The following CHST11 variants were observed in gnomAD, a reference collection of about 807,000 sequenced individuals.
The protein encoded by CHST11 is C4S-1.
A neutral mutation model predicts 30.4 loss-of-function variants in CHST11; 9 were observed. The ratio of observed to expected loss-of-function variants is 0.30; its 90% CI spans 0.18 to 0.52. The LOEUF is 0.52. Ranked by LOEUF, CHST11 falls within the 20% of genes least tolerant of loss-of-function variation. CHST11 has a pLI of 0.97. For synonymous variants in CHST11, 152 were observed against 187.8 expected (o/e 0.81, Z 1.56); for missense variants, 348 against 460.6 (o/e 0.76, Z 2.24).
At position 104,637,318 on chromosome 12, in the gene CHST11, A is replaced by ACTC. The variant is rs1307486280; in HGVS notation, c.204+35327_204+35328insCTC. Among the ~76,000 whole-genome samples the ACTC allele has an allele frequency of 9.5e-4, 102 of 107,864 alleles. 7 individuals carry two copies. Among genetic ancestry groups the ACTC allele is most frequent in the Non-Finnish European group, 1.3e-3 (69 of 53,194 alleles). 70.8% of individuals were successfully genotyped at this position (107,864 alleles called of 152,430 possible). On this transcript the variant is annotated intron_variant, in intron 2 of 2. Coordinates refer to ENST00000303694, the MANE Select transcript of CHST11 (RefSeq NM_018413.6). Reference sequence around the variant, plus strand: ...GAGACCCTGTAAAAAAAAAAAAAAAAAAAAAAAAAAAAAAAAAGGGGGTTG... The same window carrying ACTC: ...GAGACCCTGTAAAAAAAAAAAAAAAACTCAAAAAAAAAAAAAAAAAGGGGGTTG...
intron 1 of CHST11, among the ~76,000 whole-genome samples, chr12:104,548,356 G>A (rs1395232096): frequency 1.3e-5 from 2 of 152,216 alleles, no homozygotes; most frequent in Non-Finnish European, 2.9e-5. Context: ...TTTCCAGGGT[G>A]TAAATATTCC....
At chr12:104,540,841 T>C (rs184445424) in intron 1 of CHST11, among the ~76,000 whole-genome samples, 1 of 152,294 alleles carries the variant, frequency 6.6e-6, no homozygotes, top group African/African-American at 2.4e-5. Context: ...TATTTCGTGG[T>C]CTTACCTGAT....
intron 2 of CHST11, among the ~76,000 whole-genome samples, chr12:104,648,483 T>G (rs527313556): frequency 2.6e-5 from 4 of 152,198 alleles, no homozygotes; most frequent in Admixed American, 2.0e-4. Context: ...AAAAATCAAC[T>G]CAGAGACTCT....
chr12:104,695,806 C>A (rs1383755076), intron 2 of CHST11, among the ~76,000 whole-genome samples: 1 of 152,192 alleles, frequency 6.6e-6, no homozygotes, highest in Non-Finnish European at 1.5e-5. Context: ...GCTGGCATTG[C>A]CACGTACAGA....
intron 1 of CHST11, among the ~76,000 whole-genome samples, chr12:104,499,904 C>T (rs956088103): frequency 6.6e-6 from 1 of 152,198 alleles, no homozygotes; most frequent in Non-Finnish European, 1.5e-5. Flanking sequence ...CAGCCCAGGG[C>T]TCAGTGGGGG....
chr12:104,571,219 A>C (rs960739740), intron 1 of CHST11, among the ~76,000 whole-genome samples: 7 of 149,160 alleles, frequency 4.7e-5, no homozygotes, highest in African/African-American at 1.7e-4. Flanking sequence ...GCTGGAGTGC[A>C]ATGGCCCGAT....
At chr12:104,513,687 A>G (rs1386955202) in intron 1 of CHST11, among the ~76,000 whole-genome samples, 1 of 152,124 alleles carries the variant, frequency 6.6e-6, no homozygotes, top group East Asian at 1.9e-4. Context: ...CCTCTTGTTG[A>G]TTTGGTATTT....
intron 2 of CHST11, among the ~76,000 whole-genome samples, chr12:104,645,714 A>G (rs1335077787): frequency 6.6e-6 from 1 of 151,140 alleles, no homozygotes; most frequent in African/African-American, 2.4e-5. Flanking sequence ...AGCCAAGACA[A>G]GATTAGAGCT....
chr12:104,496,480 T>C (rs992765411), intron 1 of CHST11, among the ~76,000 whole-genome samples: 4 of 152,276 alleles, frequency 2.6e-5, no homozygotes, highest in Non-Finnish European at 4.4e-5. Context: ...TGTTGGATTA[T>C]TGTATTAACA....
intron 2 of CHST11, among the ~76,000 whole-genome samples, chr12:104,701,853 A>C (rs1363542724): frequency 6.6e-6 from 1 of 152,208 alleles, no homozygotes; most frequent in African/African-American, 2.4e-5. Context: ...GGTGCTGGAC[A>C]TGGCAGGGGG....
intron 2 of CHST11, among the ~76,000 whole-genome samples, chr12:104,661,427 T>G (rs558381521): frequency 1.3e-5 from 2 of 151,990 alleles, no homozygotes; most frequent in Non-Finnish European, 2.9e-5. Flanking sequence ...TACAAAAAAT[T>G]AGCTGGATGT....
At chr12:104,707,011 C>T (rs768633778) in intron 2 of CHST11, among the ~76,000 whole-genome samples, 62 of 152,194 alleles carry the variant, frequency 4.1e-4, no homozygotes, top group Non-Finnish European at 8.1e-4. Flanking sequence ...CTCCCACCTC[C>T]TGCCAAGGCC....
At chr12:104,694,431 G>A (rs561950526) in intron 2 of CHST11, among the ~76,000 whole-genome samples, 2 of 152,198 alleles carry the variant, frequency 1.3e-5, no homozygotes, top group Non-Finnish European at 2.9e-5. Context: ...AGGCCCCGGA[G>A]TTCAAAGGTG....
intron 2 of CHST11, among the ~76,000 whole-genome samples, chr12:104,647,567 T>G (rs1443882506): frequency 1.3e-5 from 2 of 152,244 alleles, no homozygotes; most frequent in African/African-American, 2.4e-5. Context: ...TATTCTATCT[T>G]GTTCCTTTCA....
chr12:104,585,791 C>T (rs1002449201), intron 1 of CHST11, among the ~76,000 whole-genome samples: 2 of 152,136 alleles, frequency 1.3e-5, no homozygotes, highest in Admixed American at 6.5e-5. Context: ...GGGCCGTGTT[C>T]CCTCTGAAGG....
chr12:104,682,092 C>T (rs1161830152), intron 2 of CHST11, among the ~76,000 whole-genome samples: 1 of 152,096 alleles, frequency 6.6e-6, no homozygotes, highest in African/African-American at 2.4e-5. Context: ...CTCGGCCTCC[C>T]AAAGTGCTGG....
At chr12:104,621,189 A>T in intron 2 of CHST11, among the ~76,000 whole-genome samples, 1 of 152,202 alleles carries the variant, frequency 6.6e-6, no homozygotes, top group East Asian at 1.9e-4. Context: ...CACAGCCCCC[A>T]GTTTGTGGGG....
intron 1 of CHST11, among the ~76,000 whole-genome samples, chr12:104,513,126 G>C (rs12370944): frequency 1.8e-5 from 1 of 54,842 alleles, no homozygotes; most frequent in Non-Finnish European, 3.9e-5. Context: ...TCATGACTGG[G>C]GGGGGGGGGG....
At chr12:104,643,034 G>A (rs547645366) in intron 2 of CHST11, among the ~76,000 whole-genome samples, 7 of 152,244 alleles carry the variant, frequency 4.6e-5, no homozygotes, top group Non-Finnish European at 7.4e-5. Flanking sequence ...TCAAAAAGCC[G>A]TGTTGTAGGC....
Sources: gnomAD v4.1 joint callset for allele counts (sites outside exome capture counted in the v4.1 genomes callset) on GRCh38, gnomAD v4.1.1 for gene constraint, MANE v1.5 for transcripts, NCBI Gene and HGNC (gene_info 2026-07-23, HGNC 2026-07-21) for gene names.